Variants in UNC13C observed in about 807,000 individuals in gnomAD.
UNC13C encodes unc-13 homolog C.
A neutral mutation model predicts 245.4 loss-of-function variants in UNC13C; 174 were observed. The observed-to-expected ratio is 0.71, with a 90% confidence interval of 0.63 to 0.80. The LOEUF (loss-of-function observed/expected upper bound fraction) is 0.80, where lower values mean the gene tolerates loss of function less well. UNC13C is among the 30% of genes least tolerant of loss of function. UNC13C has a pLI of 0.00. For synonymous variants in UNC13C, 992 were observed against 895.1 expected, an observed-to-expected ratio of 1.11 and a Z score of -1.93; for missense variants, 2,829 against 2,602.9, an observed-to-expected ratio of 1.09 and a Z score of -1.89.
At chr15:54,185,984 A>G (rs1164931426) in intron 4 of UNC13C, among the ~76,000 whole-genome samples, 1 of 151,826 alleles carries the variant, frequency 6.6e-6, no homozygotes, top group African/African-American at 2.4e-5. Context: ...GAGGTCCTTC[A>G]CATCCCTTGT....
At chr15:54,485,473 A>C (rs892407306) in intron 19 of UNC13C, among the ~76,000 whole-genome samples, 3 of 152,166 alleles carry the variant, frequency 2.0e-5, no homozygotes, top group African/African-American at 7.2e-5. Context: ...CTACCACCCA[A>C]GTGTCCAAGC....
rs541160062 is a variant in UNC13C, at chr15:54,213,272, TTTCA to T, written c.3072-21751_3072-21748del. Among the ~76,000 whole-genome samples the T allele has an allele frequency of 6.6e-5, 10 of 152,132 alleles. No individual in the cohort carries two copies. The South Asian group carries it at 1.7e-3, about 25-fold the overall frequency. The stretch of plus-strand genomic sequence containing the variant: ...AAACTTTTAAAAATGAAAAGAATTC[TTTCA>T]TTCATTAATTTCATTACTTATTTAT... On this transcript the variant is annotated intron_variant, in intron 4 of 32. Coordinates refer to ENST00000260323, the MANE Select transcript of UNC13C (RefSeq NM_001080534.3).
At chr15:54,029,144 C>T (rs1358856205) in intron 2 of UNC13C, among the ~76,000 whole-genome samples, 1 of 152,200 alleles carries the variant, frequency 6.6e-6, no homozygotes, top group East Asian at 1.9e-4. Context: ...TCTTGAAAGA[C>T]TCTGGGCACA....
chr15:54,442,438 G>A (rs925367121), intron 19 of UNC13C, among the ~76,000 whole-genome samples: 9 of 151,752 alleles, frequency 5.9e-5, no homozygotes, highest in African/African-American at 1.9e-4. Context: ...GGCTAGGCTC[G>A]TCTTGAACTC....
At chr15:54,101,583 T>TC (rs1172989970) in intron 2 of UNC13C, among the ~76,000 whole-genome samples, 4 of 150,886 alleles carry the variant, frequency 2.7e-5, no homozygotes, top group Non-Finnish European at 5.9e-5. Context: ...CTCATTATCC[T>TC]CCCCCTTTTT....
At chr15:54,101,092 G>A (rs1900138015) in intron 2 of UNC13C, among the ~76,000 whole-genome samples, 2 of 152,066 alleles carry the variant, frequency 1.3e-5, no homozygotes, top group Non-Finnish European at 2.9e-5. Flanking sequence ...GTTTTATGGA[G>A]AAATTCTCCA....
chr15:53,842,070 A>G, the UNC13C span, among the ~76,000 whole-genome samples: 1 of 152,142 alleles, frequency 6.6e-6, no homozygotes, highest in Admixed American at 6.6e-5. Flanking sequence ...TCTGACTTGT[A>G]TTTGCATAAA....
rs959967964 is a variant in UNC13C, at chr15:54,242,452, A to G, written c.3228+4762A>G. Reference sequence around the variant, plus strand: ...ATCAAATTGTTTATATAATTATATCATGGTTTATACAAAAATGTGTGCCAT... The same window carrying G: ...ATCAAATTGTTTATATAATTATATCGTGGTTTATACAAAAATGTGTGCCAT... On this transcript the variant is annotated intron_variant, in intron 7 of 32. Coordinates refer to ENST00000260323, the MANE Select transcript of UNC13C (RefSeq NM_001080534.3). Among the ~76,000 whole-genome samples the G allele has an allele frequency of 5.3e-5, 8 of 152,190 alleles. No homozygotes were observed. In the South Asian group the frequency reaches 1.7e-3, roughly 32 times the overall value.
rs558243233 is a variant in UNC13C at position 54,479,388 on chromosome 15, T to A, written c.4934-15220T>A. On this transcript the variant is annotated intron_variant, in intron 19 of 32. Coordinates refer to ENST00000260323, the MANE Select transcript of UNC13C (RefSeq NM_001080534.3). ...TAAAGTCTCTTTTGTCTGCTATTAG[T>A]TATTCCTGCATGCTTTTGATTTCCA... 2.0e-5 allele frequency among the ~76,000 whole-genome samples: 3 copies of A among 152,284 alleles called. No individual in the cohort carries two copies. The East Asian group carries it at 5.8e-4, about 29-fold the overall frequency.
chr15:54,586,216 A>G (rs990453749), intron 30 of UNC13C, among the ~76,000 whole-genome samples: 2 of 152,218 alleles, frequency 1.3e-5, no homozygotes, highest in African/African-American at 2.4e-5. Context: ...ACCCTAAGAA[A>G]AGGATGTTTC....
At chr15:54,558,667 G>T (rs1897183184) in intron 29 of UNC13C, among the ~76,000 whole-genome samples, 1 of 151,990 alleles carries the variant, frequency 6.6e-6, no homozygotes, top group Non-Finnish European at 1.5e-5. Flanking sequence ...TATAAGTCAA[G>T]AGTGTCAAAT....
At chr15:53,868,729 G>T in the UNC13C span, among the ~76,000 whole-genome samples, 2 of 152,148 alleles carry the variant, frequency 1.3e-5, no homozygotes, top group Non-Finnish European at 2.9e-5. Context: ...TTTAAGAAAA[G>T]AATAAGTTAA....
chr15:54,017,431 C>A (rs1895710692), intron 2 of UNC13C, among the ~76,000 whole-genome samples: 1 of 151,444 alleles, frequency 6.6e-6, no homozygotes, highest in African/African-American at 2.4e-5. Context: ...ATTTTATTTG[C>A]TGTTGATTCA....
chr15:54,414,809 C>T (rs2040485456), intron 18 of UNC13C, among the ~76,000 whole-genome samples, 173 bp from the exon 19 acceptor site: 1 of 151,770 alleles, frequency 6.6e-6, no homozygotes, highest in Non-Finnish European at 1.5e-5. Context: ...ACATTAAACT[C>T]TAGTGTGTAA....
intron 19 of UNC13C, among the ~76,000 whole-genome samples, chr15:54,452,124 A>G (rs1360189136): frequency 6.6e-6 from 1 of 152,226 alleles, no homozygotes; most frequent in East Asian, 1.9e-4. Flanking sequence ...TGGAGGCATC[A>G]CCTGGGTGAG....
chr15:54,371,964 G>A (rs1361178305), intron 17 of UNC13C, among the ~76,000 whole-genome samples: 1 of 152,116 alleles, frequency 6.6e-6, no homozygotes, highest in African/African-American at 2.4e-5. Flanking sequence ...GGGAGATCAT[G>A]TCCTTGTTGA....
chr15:54,204,826 T>C (rs2034656738), intron 4 of UNC13C, among the ~76,000 whole-genome samples: 1 of 152,016 alleles, frequency 6.6e-6, no homozygotes, highest in African/African-American at 2.4e-5. Context: ...TTTGGGAAAG[T>C]CGACAGTATT....
At chr15:53,876,227 T>C in the UNC13C span, among the ~76,000 whole-genome samples, 10 of 152,338 alleles carry the variant, frequency 6.6e-5, no homozygotes, top group Admixed American at 2.6e-4. Context: ...CTAAACGAAC[T>C]CATCAATTCA....
At chr15:54,593,746 T>C (rs1898923792) in intron 30 of UNC13C, among the ~76,000 whole-genome samples, 1 of 152,208 alleles carries the variant, frequency 6.6e-6, no homozygotes, top group Non-Finnish European at 1.5e-5. Context: ...TTATATCATT[T>C]TTTGGATTTC....
Sources: allele counts gnomAD v4.1 joint callset (sites outside exome capture counted in the v4.1 genomes callset), GRCh38; gene constraint gnomAD v4.1.1; transcripts MANE v1.5; gene names NCBI Gene and HGNC (gene_info 2026-07-23, HGNC 2026-07-21).